The following CINP variants were observed in gnomAD, a reference collection of about 807,000 sequenced individuals.
CINP encodes cyclin dependent kinase 2 interacting protein.
In CINP, 11 loss-of-function variants were observed where a neutral mutation model predicts 20.5. That is an observed-to-expected ratio of 0.54 (90% CI 0.34 to 0.89). The LOEUF is 0.89. Ranked by LOEUF, CINP falls within the 40% of genes least tolerant of loss-of-function variation. The pLI, the probability that CINP is intolerant of heterozygous loss-of-function variation, is 0.02. For missense variants in CINP, 213 were observed against 251.0 expected, an observed-to-expected ratio of 0.85 and a Z score of 1.02; for synonymous variants, 108 against 102.1, an observed-to-expected ratio of 1.06 and a Z score of -0.35.
chr14:102,359,149 T>G (rs1887066781), intron 2 of CINP, among the ~76,000 whole-genome samples: 1 of 149,330 alleles, frequency 6.7e-6, no homozygotes, highest in Admixed American at 6.8e-5. Flanking sequence ...TGCAGTGAGC[T>G]GAGATCGCGC....
At chr14:102,352,508 A>G (rs1313602044) in intron 3 of CINP, 3 of 455,938 alleles carry the variant, frequency 6.6e-6, no homozygotes, top group Non-Finnish European at 1.3e-5. Flanking sequence ...TGAAACCCCC[A>G]GAAGGTCAAA....
At chr14:102,357,312 G>A (rs1182263418) in intron 2 of CINP, among the ~76,000 whole-genome samples, 1 of 145,086 alleles carries the variant, frequency 6.9e-6, no homozygotes, top group African/African-American at 2.6e-5. Context: ...AACCCGGGAG[G>A]CAGAGGTTGC....
At chr14:102,355,545 T>G in intron 3 of CINP, 2 of 465,212 alleles carry the variant, frequency 4.3e-6, no homozygotes, top group African/African-American at 4.0e-5. Flanking sequence ...TACTATGTGA[T>G]GAGCCCTGAA....
chr14:102,350,994 T>A (rs1337052891), intron 3 of CINP, among the ~76,000 whole-genome samples: 1 of 151,942 alleles, frequency 6.6e-6, no homozygotes, highest in East Asian at 1.9e-4. Context: ...CCCAGCTAAT[T>A]TGTGTATTTT....
intron 4 of CINP, 150 bp downstream of exon 4, chr14:102,349,769 G>GT (rs1408033689): frequency 1.1e-6 from 1 of 935,186 alleles, no homozygotes; most frequent in African/African-American, 1.7e-5. Flanking sequence ...AAGAAGAAAT[G>GT]TTTAAGATGC....
chr14:102,349,781 T>C (rs1886824473), intron 4 of CINP, 138 bp downstream of exon 4: 1 of 1,030,930 alleles, frequency 9.7e-7, no homozygotes, highest in East Asian at 2.5e-5. Flanking sequence ...TTAAGATGCC[T>C]CTGTCTCCTT....
intron 3 of CINP, among the ~76,000 whole-genome samples, chr14:102,354,003 C>T (rs1886935954): frequency 6.6e-6 from 1 of 152,184 alleles, no homozygotes; most frequent in Non-Finnish European, 1.5e-5. Context: ...GCAAGAAGAT[C>T]ACTTAAGCCC....
At chr14:102,354,636 G>A (rs566169206) in intron 3 of CINP, among the ~76,000 whole-genome samples, 1 of 151,958 alleles carries the variant, frequency 6.6e-6, no homozygotes, top group African/African-American at 2.4e-5. Context: ...GCACACCTGC[G>A]ATCCCAGCTA....
chr14:102,356,784 A>AGGT (rs1358513721), intron 2 of CINP, among the ~76,000 whole-genome samples: 2 of 152,138 alleles, frequency 1.3e-5, no homozygotes, highest in Non-Finnish European at 2.9e-5. Flanking sequence ...AATTGTTTTG[A>AGGT]GGTGCCATGA....
intron 2 of CINP, among the ~76,000 whole-genome samples, chr14:102,358,245 C>T (rs80244047): frequency 0.049 from 7,505 of 152,238 alleles, 261 homozygotes; most frequent in Non-Finnish European, 0.073. Flanking sequence ...GAAATGACAA[C>T]AAAAGATTGA....
At position 102,349,974 on chromosome 14, in the gene CINP, A is replaced by G; in HGVS notation, c.381T>C (p.Tyr127=). The G allele has an allele frequency of 6.2e-7, 1 of 1,613,820 alleles. No homozygotes were observed. The highest frequency in any genetic ancestry group is 8.5e-7 in the Non-Finnish European group (1 of 1,179,806). ...GAGGGGGTCGTTTACTCTCCTCCCC[A>G]TAATGGTAGTTTTCTAGTTCACAAA... ...KGICELENYH[Y]GEESKRPPLF... is the part of the protein sequence containing the mutation. Residue 127 remains tyrosine (Y), a synonymous_variant, in exon 4 of 5, where the codon TAT becomes TAC. Transcript: ENST00000216756.
chr14:102,357,718 G>A (rs760009537), intron 2 of CINP, among the ~76,000 whole-genome samples: 2 of 152,200 alleles, frequency 1.3e-5, no homozygotes, highest in Non-Finnish European at 2.9e-5. Context: ...TGAGGTTTAA[G>A]GACAAAAGCC....
chr14:102,348,687 A>G lies in CINP; in HGVS notation c.509T>C (p.Leu170Pro). Residue 170 changes from leucine (L) to proline (P), a missense_variant, in exon 5 of 5, where the codon CTT becomes CCT. Physicochemically the swap from Leu to Pro is moderately conservative, Grantham distance 98 (BLOSUM62 -3). Coordinates refer to ENST00000216756, the MANE Select transcript of CINP (RefSeq NM_032630.3). ...GAGGTCGGGATCCCCGGTGTGGGCA[A>G]GCTCCTTGGCCACCGTGCGCTTCAG... ...LLLKRTVAKE[L>P]AHTGDPDLTL... 6.2e-7 allele frequency: 1 copy of G among 1,614,010 alleles called. No homozygotes were observed. The highest frequency in any genetic ancestry group is 1.3e-5 in the African/African-American group (1 of 75,082).
chr14:102,356,415 CAA>C (rs34032226), intron 2 of CINP, among the ~76,000 whole-genome samples: 5 of 122,390 alleles, frequency 4.1e-5, no homozygotes, highest in Admixed American at 8.4e-5. Flanking sequence ...AAGACTGTCT[CAA>C]AAAAAAAAAA....
chr14:102,352,233 G>A (rs1043747761), intron 3 of CINP, among the ~76,000 whole-genome samples: 2 of 152,190 alleles, frequency 1.3e-5, no homozygotes, highest in Non-Finnish European at 2.9e-5. Context: ...TGTGAGTCCT[G>A]CAGCAGCTCC....
In CINP at chr14:102,348,518, G is replaced by T; in HGVS notation, c.*39C>A. On this transcript the variant is annotated 3_prime_UTR_variant, in exon 5 of 5. Transcript: ENST00000216756. ...CCTAGGCAGACTGTCTGCCTGGTGA[G>T]ACGTGGAAGGAGCCAGTGTCCGCAG... 6.4e-7 allele frequency: 1 copy of T among 1,557,462 alleles called. No homozygotes were observed. Among genetic ancestry groups the T allele is most frequent in the Non-Finnish European group, 8.7e-7 (1 of 1,146,440 alleles).
At chr14:102,362,786 G>A (rs1021395148) in intron 1 of CINP, 59 bp downstream of exon 1, 7 of 1,608,268 alleles carry the variant, frequency 4.4e-6, no homozygotes, top group Admixed American at 1.7e-5. Context: ...TCCAACCTGC[G>A]GCCTAAGCAG....
chr14:102,358,726 A>G (rs778860028), intron 2 of CINP, among the ~76,000 whole-genome samples: 2 of 152,108 alleles, frequency 1.3e-5, no homozygotes, highest in South Asian at 4.1e-4. Context: ...GATATAAAGG[A>G]AACAATAACA....
chr14:102,358,259 T>C (rs1248044185), intron 2 of CINP, among the ~76,000 whole-genome samples: 1 of 152,222 alleles, frequency 6.6e-6, no homozygotes, highest in African/African-American at 2.4e-5. Context: ...AGATTGAGAA[T>C]ATTATATAAC....
Sources: gnomAD v4.1 joint callset for allele counts (sites outside exome capture counted in the v4.1 genomes callset) on GRCh38, gnomAD v4.1.1 for gene constraint, MANE v1.5 for transcripts, NCBI Gene and HGNC (gene_info 2026-07-23, HGNC 2026-07-21) for gene names.